Variants in COL8A1 observed in about 807,000 individuals in gnomAD.
The protein encoded by COL8A1 is collagen alpha-1(VIII) chain.
A neutral mutation model predicts 42.7 loss-of-function variants in COL8A1; 21 were observed. The ratio of observed to expected loss-of-function variants is 0.49; its 90% confidence interval spans 0.35 to 0.71. The LOEUF is 0.71. Ranked by LOEUF, COL8A1 falls within the 30% of genes least tolerant of loss-of-function variation. The pLI, the probability that COL8A1 is intolerant of heterozygous loss-of-function variation, is 0.01. For synonymous variants in COL8A1, 367 were observed against 369.1 expected, an observed-to-expected ratio of 0.99 and a Z score of 0.06; for missense variants, 788 against 962.4, an observed-to-expected ratio of 0.82 and a Z score of 2.40.
In COL8A1 at chr3:99,798,188, C is replaced by T. The variant is rs983595017; in HGVS notation, c.*2052C>T. The T allele has an allele frequency of 6.6e-6, 1 of 152,058 alleles. No homozygotes were observed. Among genetic ancestry groups the T allele is most frequent in the Non-Finnish European group, 1.5e-5 (1 of 67,982 alleles). The allele number at this position is 152,058 out of a possible 1,614,324, so 9.4% of individuals were successfully genotyped here. On this transcript the variant is annotated 3_prime_UTR_variant, in exon 4 of 4. Coordinates refer to ENST00000652472, the MANE Select transcript of COL8A1 (RefSeq NM_020351.4). ...CTCATTTCCCTATATAGTATACAAG[C>T]ACCATTTCTTCTCAATTTTTAAGAA...
intron 2 of COL8A1, among the ~76,000 whole-genome samples, chr3:99,773,964 C>A (rs1941642684): frequency 6.8e-6 from 1 of 148,004 alleles, no homozygotes; most frequent in African/African-American, 2.5e-5. Flanking sequence ...CCTGCCTCAG[C>A]TTCCTGAGTA....
At chr3:99,743,767 G>GTACT (rs1325653039) in intron 1 of COL8A1, among the ~76,000 whole-genome samples, 2 of 152,150 alleles carry the variant, frequency 1.3e-5, no homozygotes, top group Admixed American at 1.3e-4. Flanking sequence ...TTATTGGACA[G>GTACT]TACTACTCTA....
chr3:99,740,620 T>C lies in COL8A1; in HGVS notation c.-128-4277T>C, dbSNP rs150463312. 4.7e-3 allele frequency among the ~76,000 whole-genome samples: 723 copies of C among 152,234 alleles called. 5 individuals are homozygous for C. Among genetic ancestry groups the C allele is most frequent in the African/African-American group, 0.016 (680 of 41,532 alleles). ...AGGGTAACCGCCCCCATGATTCACT[T>C]ACCTCCCACTGGGTACCTCCCACAA... On this transcript the variant is annotated intron_variant, in intron 1 of 3. Coordinates refer to ENST00000652472, the MANE Select transcript of COL8A1 (RefSeq NM_020351.4).
Position 99,726,585 on chromosome 3 carries a change from T to G in COL8A1, c.-128-18312T>G, listed in dbSNP as rs571110946. Among the ~76,000 whole-genome samples the G allele has an allele frequency of 4.1e-3, 629 of 152,272 alleles. 2 individuals carry two copies. The highest frequency in any genetic ancestry group is 5.5e-3 in the Non-Finnish European group (376 of 68,030). The stretch of plus-strand genomic sequence containing the variant: ...CTTTAATGCATCTTGAATTGATTTT[T>G]GTATAAGGTGTAAGGAAGGGATCCA... On this transcript the variant is annotated intron_variant, in intron 1 of 3. Coordinates refer to ENST00000652472, the MANE Select transcript of COL8A1 (RefSeq NM_020351.4).
At chr3:99,744,837 T>TAC (rs10625999) in intron 1 of COL8A1, 60 bp from the exon 2 acceptor site, 110,369 of 152,078 alleles carry the variant, frequency 0.73, 40,637 homozygotes, top group African/African-American at 0.86. Flanking sequence ...TCCAGAATAA[T>TAC]ACTTTGATAA....
intron 1 of COL8A1, among the ~76,000 whole-genome samples, chr3:99,694,276 A>G (rs1576434096): frequency 6.6e-6 from 1 of 152,172 alleles, no homozygotes; most frequent in Admixed American, 6.5e-5. Context: ...TGAGGTCAGG[A>G]GTTCGAGACC....
chr3:99,706,509 AGAG>A (rs1939683432), intron 1 of COL8A1, among the ~76,000 whole-genome samples: 1 of 152,214 alleles, frequency 6.6e-6, no homozygotes, highest in South Asian at 2.1e-4. Flanking sequence ...AACCCTAAAA[AGAG>A]TTCCAGCACT....
At chr3:99,720,216 C>A (rs1391656205) in intron 1 of COL8A1, among the ~76,000 whole-genome samples, 1 of 152,098 alleles carries the variant, frequency 6.6e-6, no homozygotes, top group Non-Finnish European at 1.5e-5. Flanking sequence ...CATATTATGA[C>A]TGAACTAGTA....
intron 2 of COL8A1, among the ~76,000 whole-genome samples, chr3:99,760,086 T>C (rs1042582250): frequency 1.3e-5 from 2 of 152,100 alleles, no homozygotes; most frequent in Non-Finnish European, 2.9e-5. Flanking sequence ...ACAGTGAATA[T>C]TGTCAGTGAT....
At chr3:99,663,078 A>T (rs1163274532) in intron 1 of COL8A1, among the ~76,000 whole-genome samples, 1 of 152,228 alleles carries the variant, frequency 6.6e-6, no homozygotes, top group African/African-American at 2.4e-5. Context: ...AGGAATGCTT[A>T]TAGAGAATGA....
chr3:99,661,081 T>A (rs1263366772), intron 1 of COL8A1, among the ~76,000 whole-genome samples: 1 of 152,146 alleles, frequency 6.6e-6, no homozygotes, highest in Non-Finnish European at 1.5e-5. Flanking sequence ...ACATGTAAGA[T>A]AAACGTGCAA....
At chr3:99,709,251 C>T (rs931339229) in intron 1 of COL8A1, among the ~76,000 whole-genome samples, 1 of 152,092 alleles carries the variant, frequency 6.6e-6, no homozygotes, top group African/African-American at 2.4e-5. Flanking sequence ...TTACCCAGGG[C>T]CTAGGGACCT....
chr3:99,742,148 TTAAG>T (rs1443369893), intron 1 of COL8A1, among the ~76,000 whole-genome samples: 4 of 152,234 alleles, frequency 2.6e-5, no homozygotes, highest in African/African-American at 9.6e-5. Context: ...TTCAAATACT[TTAAG>T]TACTAAGTAT....
chr3:99,729,406 T>G (rs1940433626), intron 1 of COL8A1, among the ~76,000 whole-genome samples: 1 of 152,022 alleles, frequency 6.6e-6, no homozygotes. Flanking sequence ...TAGGTTTGGC[T>G]TCTTTGAACT....
chr3:99,710,661 G>T (rs1939808787), intron 1 of COL8A1, among the ~76,000 whole-genome samples: 3 of 152,136 alleles, frequency 2.0e-5, no homozygotes, highest in Non-Finnish European at 4.4e-5. Flanking sequence ...TTTGTGCCAG[G>T]CACAGGTGTG....
chr3:99,750,593 C>T (rs1231671020), intron 2 of COL8A1, among the ~76,000 whole-genome samples: 1 of 152,034 alleles, frequency 6.6e-6, no homozygotes, highest in Non-Finnish European at 1.5e-5. Flanking sequence ...GCAAATTTTG[C>T]TCTCAATCAC....
chr3:99,707,180 G>A (rs550620200), intron 1 of COL8A1: 1 of 152,078 alleles, frequency 6.6e-6, no homozygotes, highest in Non-Finnish European at 1.5e-5. Flanking sequence ...GTAAGGCCCC[G>A]GTCTCTCTAG....
At chr3:99,658,138 A>G (rs904640543) in intron 1 of COL8A1, among the ~76,000 whole-genome samples, 6 of 151,824 alleles carry the variant, frequency 4.0e-5, no homozygotes, top group East Asian at 3.9e-4. Context: ...ACAAAAAAAA[A>G]AAAACACCTT....
chr3:99,753,514 C>T (rs780829545), intron 2 of COL8A1, among the ~76,000 whole-genome samples: 2 of 152,142 alleles, frequency 1.3e-5, no homozygotes, highest in African/African-American at 4.8e-5. Context: ...AAAACACTGA[C>T]GCCAGGGTTG....
Sources: gnomAD v4.1 joint callset for allele counts (sites outside exome capture counted in the v4.1 genomes callset) on GRCh38, gnomAD v4.1.1 for gene constraint, MANE v1.5 for transcripts, NCBI Gene and HGNC (gene_info 2026-07-23, HGNC 2026-07-21) for gene names.